The following MAP3K4 variants were observed in gnomAD, a reference collection of about 807,000 sequenced individuals.
MAP3K4 encodes the protein MAP three kinase 1.
A neutral mutation model predicts 185.6 loss-of-function variants in MAP3K4; 67 were observed. That is an observed-to-expected ratio of 0.36 (90% CI 0.30 to 0.44). MAP3K4 has a LOEUF of 0.44. Among genes scored for constraint, MAP3K4 ranks in the 20% least tolerant of loss-of-function variants. MAP3K4 has a pLI of 1.00. For synonymous variants in MAP3K4, 702 were observed against 710.4 expected (o/e 0.99, Z 0.19); for missense variants, 1,551 against 1,995.1 (o/e 0.78, Z 4.24).
chr6:161,036,967 T>G (rs550812474), intron 2 of MAP3K4, among the ~76,000 whole-genome samples: 1 of 152,350 alleles, frequency 6.6e-6, no homozygotes, highest in East Asian at 1.9e-4. Context: ...ACTTTAAACC[T>G]GTACTTATTT....
At chr6:161,023,771 C>T (rs1782510436) in intron 1 of MAP3K4, among the ~76,000 whole-genome samples, 1 of 152,194 alleles carries the variant, frequency 6.6e-6, no homozygotes, top group Admixed American at 6.5e-5. Context: ...AAGTTGTTTA[C>T]AACCACAATT....
rs1194310145 is a variant in MAP3K4, at chr6:161,073,995, G to C, written c.2097+383G>C. Among the ~76,000 whole-genome samples the C allele has an allele frequency of 6.6e-6, 1 of 152,200 alleles. No individual in the cohort carries two copies. The highest frequency in any genetic ancestry group is 1.5e-5 in the Non-Finnish European group (1 of 68,030). On this transcript the variant is annotated intron_variant, in intron 5 of 26. Transcript: ENST00000392142. This position sits in a 1 kb window ranked among gnomAD's most constrained non-coding sequence, Gnocchi z 4.2. ...AGAATCAAAATATGGTCCTATGTTA[G>C]TGAACCGTCTGTCATCAGCCATTTT... is the stretch of plus-strand genomic sequence containing the variant.
chr6:161,015,943 C>G (rs1298764135), intron 1 of MAP3K4, among the ~76,000 whole-genome samples: 2 of 152,156 alleles, frequency 1.3e-5, no homozygotes, highest in Non-Finnish European at 2.9e-5. Context: ...TGTTTTTCCA[C>G]TCCAGCAGTT....
intron 5 of MAP3K4, among the ~76,000 whole-genome samples, chr6:161,079,912 A>G (rs1481333745): frequency 1.3e-5 from 2 of 152,184 alleles, no homozygotes; most frequent in African/African-American, 4.8e-5. Context: ...TCAGAAAAAT[A>G]TCTTTCCCAA....
At position 161,105,981 on chromosome 6, in the gene MAP3K4, A is replaced by G. The variant is rs533303121; in HGVS notation, c.3857-533A>G. 4.9e-4 allele frequency among the ~76,000 whole-genome samples: 74 copies of G among 151,934 alleles called. 1 individual carries two copies. The South Asian group carries it at 0.014, about 29-fold the overall frequency. On this transcript the variant is annotated intron_variant, in intron 19 of 26. Coordinates refer to ENST00000392142, the MANE Select transcript of MAP3K4 (RefSeq NM_005922.4). ...CTCCCAAGTAGCTGGGACTACAGGCACACACCACCACACCTGGCTAACTTT... is the reference window on the plus strand; with the variant it reads ...CTCCCAAGTAGCTGGGACTACAGGCGCACACCACCACACCTGGCTAACTTT...
At chr6:161,113,293 C>T (rs776165759) in intron 25 of MAP3K4, among the ~76,000 whole-genome samples, 26 of 152,136 alleles carry the variant, frequency 1.7e-4, no homozygotes, top group Non-Finnish European at 2.1e-4. Flanking sequence ...GCACACTGAG[C>T]GATTCCATTT....
Position 161,091,372 on chromosome 6 carries a change from T to G in MAP3K4, c.2974-7T>G. 1.2e-6 allele frequency: 2 copies of G among 1,610,000 alleles called. No individual in the cohort carries two copies. The highest frequency in any genetic ancestry group is 1.7e-6 in the Non-Finnish European group (2 of 1,178,208). On this transcript the variant is annotated splice_region_variant and splice_polypyrimidine_tract_variant and intron_variant, in intron 11 of 26. Coordinates refer to ENST00000392142, the MANE Select transcript of MAP3K4 (RefSeq NM_005922.4). The surrounding 1 kb of genome is among the most constrained non-coding windows in gnomAD (Gnocchi z 5.5). The stretch of plus-strand genomic sequence containing the variant: ...ATTTTGCATTAATCATGGTTTGGAC[T>G]CTTCAGAATGATGCATTGGAGCTAT...
At position 161,114,834 on chromosome 6, in the gene MAP3K4, G is replaced by A. The variant is rs1778521296; in HGVS notation, c.4627-289G>A. On this transcript the variant is annotated intron_variant, in intron 25 of 26. Transcript: ENST00000392142. The surrounding 1 kb of genome is among the most constrained non-coding windows in gnomAD (Gnocchi z 4.3). The stretch of plus-strand genomic sequence containing the variant: ...TGGACTAAATAGTGCACCCCAAATG[G>A]AGTAGGCAAACTATGCTGGCCACCT... Among the ~76,000 whole-genome samples the A allele has an allele frequency of 6.6e-6, 1 of 152,020 alleles. No homozygotes were observed.
At chr6:161,014,496 GTTCCATATAGT>G (rs1446913392) in intron 1 of MAP3K4, among the ~76,000 whole-genome samples, 1 of 152,204 alleles carries the variant, frequency 6.6e-6, no homozygotes, top group African/African-American at 2.4e-5. Context: ...GCAGAGAGCT[GTTCCATATAGT>G]TTCCAAATTT....
intron 13 of MAP3K4, among the ~76,000 whole-genome samples, chr6:161,092,388 C>T (rs1450981086): frequency 6.6e-6 from 1 of 152,048 alleles, no homozygotes; most frequent in Non-Finnish European, 1.5e-5. Flanking sequence ...TCTCCTTTGA[C>T]AAGTCTTCCT....
chr6:161,051,576 T>C lies in MAP3K4; in HGVS notation c.1707+1597T>C, dbSNP rs79919502. 0.037 allele frequency among the ~76,000 whole-genome samples: 5,578 copies of C among 152,326 alleles called. 169 individuals are homozygous for C. The highest frequency in any genetic ancestry group is 0.051 in the Non-Finnish European group (3,449 of 68,028). ...GACAGGATTGATGTTTAATTTGTAT[T>C]GTGACCACTGGTTTTGAAGTAACAT... On this transcript the variant is annotated intron_variant, in intron 3 of 26. Transcript: ENST00000392142. The surrounding 1 kb of genome is among the most constrained non-coding windows in gnomAD (Gnocchi z 4.2).
At chr6:161,010,053 A>T (rs1377993285) in intron 1 of MAP3K4, among the ~76,000 whole-genome samples, 1 of 152,224 alleles carries the variant, frequency 6.6e-6, no homozygotes, top group Admixed American at 6.5e-5. Context: ...TTAGTTTTAA[A>T]TTCTTGCATT....
chr6:161,111,767 A>T, intron 23 of MAP3K4, 69 bp from the exon 24 acceptor site: 2 of 1,467,454 alleles, frequency 1.4e-6, no homozygotes, highest in Non-Finnish European at 1.9e-6. Flanking sequence ...CTGGTCGTTT[A>T]GATTACCATG....
intron 5 of MAP3K4, among the ~76,000 whole-genome samples, chr6:161,079,518 G>A (rs765446133): frequency 5.3e-4 from 80 of 151,990 alleles, no homozygotes; most frequent in Non-Finnish European, 9.7e-4. Context: ...CAGAGGTTGC[G>A]GTGAGCCGAG....
chr6:161,024,028 G>A (rs6908283), intron 1 of MAP3K4, among the ~76,000 whole-genome samples: 138,078 of 152,178 alleles, frequency 0.91, 62,819 homozygotes, highest in East Asian at 0.99. Context: ...GTACAGTGGT[G>A]TGATCATGGC....
rs894858971 is a variant in MAP3K4, at chr6:161,112,437, A to T, written c.4520-231A>T. ...GTTAAATTTTCTATTTTCATTGTGA[A>T]TACAATTAATTTGAAAATGTGTACA... On this transcript the variant is annotated intron_variant, in intron 24 of 26. Transcript: ENST00000392142. The surrounding 1 kb of genome is among the most constrained non-coding windows in gnomAD (Gnocchi z 5.1). 2.0e-5 allele frequency among the ~76,000 whole-genome samples: 3 copies of T among 152,190 alleles called. No homozygotes were observed. The highest frequency in any genetic ancestry group is 7.2e-5 in the African/African-American group (3 of 41,456).
rs1018531570 is a variant in MAP3K4 at position 161,037,955 on chromosome 6, A to G, written c.343+3506A>G. Among the ~76,000 whole-genome samples, 20 of 151,936 alleles carry G rather than the reference A, an allele frequency of 1.3e-4. No homozygotes were observed. Among genetic ancestry groups the G allele is most frequent in the Admixed American group, 6.6e-5 (1 of 15,262 alleles). On this transcript the variant is annotated intron_variant, in intron 2 of 26. Transcript: ENST00000392142. The surrounding 1 kb of genome is among the most constrained non-coding windows in gnomAD (Gnocchi z 4.2). ...CTAGTCCTTCGCTTTATCTCACTACATAATGCTGCTAGTACATTTTTTTTG... is the reference window on the plus strand; with the variant it reads ...CTAGTCCTTCGCTTTATCTCACTACGTAATGCTGCTAGTACATTTTTTTTG...
rs1315882923 is a variant in MAP3K4, at chr6:161,048,812, A to G, written c.540A>G (p.Pro180=). 1.9e-6 allele frequency: 3 copies of G among 1,614,204 alleles called. No homozygotes were observed. Among genetic ancestry groups the G allele is most frequent in the Admixed American group, 3.3e-5 (2 of 60,030 alleles). The stretch of plus-strand genomic sequence containing the variant: ...GATCTTTGCCAAAAAAATCAATTCC[A>G]GATGTGGATCTCAATAAGCCTTACC... ...VGGSLPKKSI[P]DVDLNKPYLS... The change falls in exon 3 of 27, where the codon CCA becomes CCG. Residue 180 remains proline, a synonymous_variant. Transcript: ENST00000392142. This position sits in a 1 kb window ranked among gnomAD's most constrained non-coding sequence, Gnocchi z 4.7.
rs187825530 is a variant in MAP3K4 at position 161,058,585 on chromosome 6, A to G, written c.1707+8606A>G. On this transcript the variant is annotated intron_variant, in intron 3 of 26. Coordinates refer to ENST00000392142, the MANE Select transcript of MAP3K4 (RefSeq NM_005922.4). ...AAGTCCCTGTCCTCTGTCACTGCTC[A>G]GAGTAATTATCATCTGGTTTATATT... Among the ~76,000 whole-genome samples, 24 of 152,294 alleles carry G rather than the reference A, an allele frequency of 1.6e-4. No homozygotes were observed. The East Asian group carries it at 4.6e-3, about 29-fold the overall frequency.
Sources: gnomAD v4.1 joint callset for allele counts (sites outside exome capture counted in the v4.1 genomes callset) on GRCh38, gnomAD v4.1.1 for gene constraint, Gnocchi (gnomAD v3.1) non-coding constraint, MANE v1.5 for transcripts, NCBI Gene and HGNC (gene_info 2026-07-23, HGNC 2026-07-21) for gene names.